Variants in SPOCK3 observed in about 807,000 individuals in gnomAD.
SPOCK3 encodes the protein testican-3.
Under a neutral mutation model 56.6 loss-of-function variants are expected in SPOCK3, and 30 were observed. The ratio of observed to expected loss-of-function variants is 0.53; its 90% confidence interval spans 0.40 to 0.72. The LOEUF (loss-of-function observed/expected upper bound fraction) is 0.72, where lower values mean the gene tolerates loss of function less well. Among genes scored for constraint, SPOCK3 ranks in the 30% least tolerant of loss-of-function variants. The pLI, the probability that SPOCK3 is intolerant of heterozygous loss-of-function variation, is 0.00. For missense variants in SPOCK3, 527 were observed against 530.0 expected (o/e 0.99, Z 0.06); for synonymous variants, 196 against 183.3 (o/e 1.07, Z -0.56).
intron 2 of SPOCK3, among the ~76,000 whole-genome samples, chr4:167,228,525 G>T (rs909718550): frequency 1.3e-5 from 2 of 152,110 alleles, no homozygotes; most frequent in Non-Finnish European, 2.9e-5. Flanking sequence ...ATTCCCTTCA[G>T]AAACAAGCAG....
At chr4:167,180,265 G>C (rs1030120029) in intron 2 of SPOCK3, among the ~76,000 whole-genome samples, 1 of 152,130 alleles carries the variant, frequency 6.6e-6, no homozygotes, top group Non-Finnish European at 1.5e-5. Flanking sequence ...CAGAGGAGGA[G>C]GACATATGCC....
At chr4:167,097,810 G>T (rs1759291937) in intron 2 of SPOCK3, among the ~76,000 whole-genome samples, 1 of 151,864 alleles carries the variant, frequency 6.6e-6, no homozygotes, top group East Asian at 1.9e-4. Context: ...ATCATCAGTG[G>T]TGGAATGGAA....
At chr4:166,791,524 A>G (rs888128412) in intron 7 of SPOCK3, among the ~76,000 whole-genome samples, 3 of 152,222 alleles carry the variant, frequency 2.0e-5, no homozygotes, top group Non-Finnish European at 2.9e-5. Flanking sequence ...ATTACATGAT[A>G]AACACATTTT....
intron 3 of SPOCK3, among the ~76,000 whole-genome samples, chr4:167,028,764 C>T (rs923838183): frequency 2.6e-5 from 4 of 152,006 alleles, no homozygotes; most frequent in African/African-American, 9.7e-5. Flanking sequence ...GAACAACATA[C>T]AGTTTCTGCC....
intron 2 of SPOCK3, among the ~76,000 whole-genome samples, chr4:167,125,201 T>TTATTTATG (rs1762167168): frequency 1.4e-5 from 2 of 145,716 alleles, no homozygotes; most frequent in South Asian, 4.4e-4. Context: ...TTTTATTTAT[T>TTATTTATG]TATTTATTTA....
At chr4:166,992,835 A>G (rs1747949602) in intron 4 of SPOCK3, among the ~76,000 whole-genome samples, 1 of 151,534 alleles carries the variant, frequency 6.6e-6, no homozygotes, top group South Asian at 2.1e-4. Flanking sequence ...CCCAATTCAT[A>G]CTCTTTTCCT....
chr4:166,825,822 A>G lies in SPOCK3; in HGVS notation c.590-33533T>C, dbSNP rs1181878689. Among the ~76,000 whole-genome samples the G allele has an allele frequency of 2.6e-5, 4 of 152,134 alleles. No homozygotes were observed. The East Asian group carries it at 7.7e-4, about 29-fold the overall frequency. On this transcript the variant is annotated intron_variant, in intron 6 of 10. Coordinates refer to ENST00000357545, the MANE Select transcript of SPOCK3 (RefSeq NM_001040159.2). ...AATCAAATATTGTATGTTCTCACTTATAAGTGGGAGCTAAGCTATAAGGAT... is the reference window on the plus strand; with the variant it reads ...AATCAAATATTGTATGTTCTCACTTGTAAGTGGGAGCTAAGCTATAAGGAT...
intron 7 of SPOCK3, among the ~76,000 whole-genome samples, chr4:166,765,155 A>T (rs572702448): frequency 4.6e-5 from 7 of 152,060 alleles, no homozygotes; most frequent in South Asian, 4.2e-4. Flanking sequence ...TTCACTCTGA[A>T]GGTAGTTTCT....
At chr4:166,794,274 T>C (rs954440873) in intron 6 of SPOCK3, among the ~76,000 whole-genome samples, 3 of 149,506 alleles carry the variant, frequency 2.0e-5, no homozygotes, top group Non-Finnish European at 3.0e-5. Flanking sequence ...TGTAGCCTGC[T>C]GTCTCTGTTT....
chr4:166,979,074 T>A (rs977593184), intron 4 of SPOCK3, among the ~76,000 whole-genome samples: 1 of 152,176 alleles, frequency 6.6e-6, no homozygotes, highest in Non-Finnish European at 1.5e-5. Context: ...ACTGTGGTTA[T>A]CTATTTATAC....
intron 6 of SPOCK3, among the ~76,000 whole-genome samples, chr4:166,847,408 T>G (rs1018694004): frequency 1.3e-5 from 2 of 151,830 alleles, no homozygotes; most frequent in African/African-American, 4.8e-5. Flanking sequence ...TGTTATATTT[T>G]CTAATATCAT....
chr4:166,737,460 T>C lies in SPOCK3; in HGVS notation c.1132+7A>G, dbSNP rs749361324. On this transcript the variant is annotated splice_region_variant and intron_variant, in intron 10 of 10. Transcript: ENST00000357545. ...AAAATTATGAAATAAGTAACCCTTC[T>C]CCTTACCACAATCTGCAACACCATT... The C allele has an allele frequency of 1.4e-5, 22 of 1,610,282 alleles. No individual in the cohort carries two copies. In the African/African-American group the frequency reaches 1.5e-4, roughly 11 times the overall value.
At chr4:166,823,354 C>T (rs945945827) in intron 6 of SPOCK3, among the ~76,000 whole-genome samples, 6 of 151,836 alleles carry the variant, frequency 4.0e-5, no homozygotes, top group Non-Finnish European at 8.8e-5. Context: ...TTCCTGGGTG[C>T]CTGAGTCACA....
intron 5 of SPOCK3, among the ~76,000 whole-genome samples, chr4:166,897,038 C>T (rs1489247842): frequency 2.0e-5 from 3 of 152,132 alleles, no homozygotes; most frequent in African/African-American, 7.2e-5. Context: ...TCACTATGTG[C>T]CGTTGAGATA....
At chr4:166,871,823 A>G (rs1028030612) in intron 6 of SPOCK3, among the ~76,000 whole-genome samples, 8 of 150,892 alleles carry the variant, frequency 5.3e-5, no homozygotes, top group African/African-American at 1.9e-4. Context: ...TTTTATATAT[A>G]AAACAATATA....
intron 2 of SPOCK3, among the ~76,000 whole-genome samples, chr4:167,147,866 G>T (rs966738632): frequency 1.3e-5 from 2 of 151,972 alleles, no homozygotes; most frequent in Admixed American, 1.3e-4. Context: ...GTAGGTGACG[G>T]GTGGATGGGT....
chr4:167,049,548 T>G (rs1754013140), intron 3 of SPOCK3, among the ~76,000 whole-genome samples: 1 of 152,152 alleles, frequency 6.6e-6, no homozygotes, highest in African/African-American at 2.4e-5. Flanking sequence ...GCAAATAGAT[T>G]TATTTTGACC....
At chr4:167,200,812 T>C (rs1733442178) in intron 2 of SPOCK3, among the ~76,000 whole-genome samples, 1 of 152,014 alleles carries the variant, frequency 6.6e-6, no homozygotes, top group African/African-American at 2.4e-5. Context: ...ATTTATTGTA[T>C]TAAAAACAAA....
intron 6 of SPOCK3, among the ~76,000 whole-genome samples, chr4:166,873,564 C>T (rs753302333): frequency 2.6e-5 from 4 of 152,052 alleles, no homozygotes; most frequent in South Asian, 4.2e-4. Flanking sequence ...ACATAAACTG[C>T]GGCACAAATA....
Sources: allele counts gnomAD v4.1 joint callset (sites outside exome capture counted in the v4.1 genomes callset), GRCh38; gene constraint gnomAD v4.1.1; transcripts MANE v1.5; gene names NCBI Gene and HGNC (gene_info 2026-07-23, HGNC 2026-07-21).